EXOC4: variants seen among roughly 807,000 people sequenced by gnomAD.
EXOC4 encodes the protein exocyst complex component 4, also known as SEC8-like 1.
A neutral mutation model predicts 107.2 loss-of-function variants in EXOC4; 71 were observed. The ratio of observed to expected loss-of-function variants is 0.66; its 90% CI spans 0.55 to 0.81. The LOEUF (loss-of-function observed/expected upper bound fraction) is 0.81, where lower values mean the gene tolerates loss of function less well. Ranked by LOEUF, EXOC4 falls within the 30% of genes least tolerant of loss-of-function variation. EXOC4 has a pLI of 0.00. For missense variants in EXOC4, 1,108 were observed against 1,189.6 expected (o/e 0.93, Z 1.01); for synonymous variants, 456 against 441.2 (o/e 1.03, Z -0.42).
At chr7:133,528,399 A>G (rs929276461) in intron 9 of EXOC4, among the ~76,000 whole-genome samples, 1 of 152,192 alleles carries the variant, frequency 6.6e-6, no homozygotes, top group Non-Finnish European at 1.5e-5. Context: ...TAAGTGCGAC[A>G]TCAGTGATTG....
chr7:133,533,824 T>C (rs1227631812), intron 9 of EXOC4, among the ~76,000 whole-genome samples: 1 of 152,156 alleles, frequency 6.6e-6, no homozygotes, highest in Admixed American at 6.6e-5. Context: ...TGTTACCTGC[T>C]TAACAGGAGT....
At chr7:133,771,150 A>T (rs971261678) in intron 10 of EXOC4, among the ~76,000 whole-genome samples, 2 of 152,006 alleles carry the variant, frequency 1.3e-5, no homozygotes, top group East Asian at 3.9e-4. Flanking sequence ...GAATCTGGGG[A>T]GGGTATACAT....
chr7:133,810,001 G>A (rs1797179163), intron 10 of EXOC4, among the ~76,000 whole-genome samples: 1 of 152,140 alleles, frequency 6.6e-6, no homozygotes, highest in Non-Finnish European at 1.5e-5. Flanking sequence ...AAGAGTAACA[G>A]AAAACAATAC....
the EXOC4 span, among the ~76,000 whole-genome samples, chr7:134,074,648 C>T: frequency 2.0e-5 from 3 of 152,296 alleles, no homozygotes; most frequent in Non-Finnish European, 4.4e-5. Context: ...ATCCAGGTCT[C>T]GACTGCCACT....
the EXOC4 span, among the ~76,000 whole-genome samples, chr7:134,080,053 G>A: frequency 3.9e-4 from 59 of 152,244 alleles, no homozygotes; most frequent in Middle Eastern, 6.8e-3. Flanking sequence ...ATAATGTATA[G>A]CTGCAGCCCC....
intron 10 of EXOC4, among the ~76,000 whole-genome samples, chr7:133,701,797 A>G (rs1193735045): frequency 2.6e-5 from 4 of 152,094 alleles, no homozygotes; most frequent in Non-Finnish European, 5.9e-5. Flanking sequence ...TTATTTTCAT[A>G]TACACCATAT....
intron 10 of EXOC4, among the ~76,000 whole-genome samples, chr7:133,743,896 C>T (rs1039414655): frequency 6.6e-6 from 1 of 152,008 alleles, no homozygotes; most frequent in Non-Finnish European, 1.5e-5. Flanking sequence ...GTGTCTGCCT[C>T]CTAGGGGAAG....
At chr7:133,470,821 T>C (rs1289625443) in intron 7 of EXOC4, among the ~76,000 whole-genome samples, 1 of 152,192 alleles carries the variant, frequency 6.6e-6, no homozygotes, top group Non-Finnish European at 1.5e-5. Flanking sequence ...TAAGTAATGC[T>C]CTTTGTTCCA....
intron 9 of EXOC4, among the ~76,000 whole-genome samples, chr7:133,491,506 T>A (rs1056414369): frequency 6.6e-6 from 1 of 152,196 alleles, no homozygotes; most frequent in Non-Finnish European, 1.5e-5. Flanking sequence ...GGCAAGGCAC[T>A]TTACTTTTCT....
At chr7:134,091,968 G>T in the EXOC4 span, among the ~76,000 whole-genome samples, 1 of 152,032 alleles carries the variant, frequency 6.6e-6, no homozygotes, top group Non-Finnish European at 1.5e-5. Flanking sequence ...TTAGACTTGG[G>T]TCCCATCCCC....
chr7:133,633,650 G>A (rs1422555632), intron 10 of EXOC4, among the ~76,000 whole-genome samples: 4 of 152,026 alleles, frequency 2.6e-5, no homozygotes, highest in Admixed American at 6.6e-5. Flanking sequence ...ACCCGGAGGC[G>A]GAGGTTGCAG....
intron 1 of EXOC4, among the ~76,000 whole-genome samples, chr7:133,265,137 A>G (rs190087920): frequency 2.0e-5 from 3 of 152,282 alleles, no homozygotes; most frequent in Non-Finnish European, 4.4e-5. Context: ...AGCAACAGGA[A>G]TATTATGTTC....
At chr7:133,500,096 G>A (rs1164874743) in intron 9 of EXOC4, among the ~76,000 whole-genome samples, 3 of 151,996 alleles carry the variant, frequency 2.0e-5, no homozygotes, top group African/African-American at 7.2e-5. Flanking sequence ...ATTATATAGG[G>A]TTTGCAAAAT....
chr7:134,064,232 C>T (rs1796134380), intron 17 of EXOC4, 59 bp from the exon 18 acceptor site: 1 of 1,196,420 alleles, frequency 8.4e-7, no homozygotes, highest in African/African-American at 1.6e-5. Context: ...GTATTTGTCC[C>T]CTCGAGACGA....
At chr7:133,642,310 A>G (rs1179381371) in intron 10 of EXOC4, among the ~76,000 whole-genome samples, 3 of 152,130 alleles carry the variant, frequency 2.0e-5, no homozygotes, top group Non-Finnish European at 4.4e-5. Context: ...CATTCCACTA[A>G]TGCTAAATTT....
At chr7:133,595,026 T>C (rs1029181565) in intron 9 of EXOC4, among the ~76,000 whole-genome samples, 2 of 151,986 alleles carry the variant, frequency 1.3e-5, no homozygotes, top group African/African-American at 4.8e-5. Flanking sequence ...CAAAGAACCA[T>C]GCAAATATAG....
the EXOC4 span, among the ~76,000 whole-genome samples, chr7:134,090,805 C>T: frequency 6.6e-6 from 1 of 152,036 alleles, no homozygotes; most frequent in South Asian, 2.1e-4. Flanking sequence ...GCAAAGAGTA[C>T]AAGACAGATT....
At chr7:134,059,469 C>T (rs1011824731) in intron 17 of EXOC4, among the ~76,000 whole-genome samples, 2 of 152,100 alleles carry the variant, frequency 1.3e-5, no homozygotes, top group African/African-American at 4.8e-5. Context: ...ACATTAAAAA[C>T]AAATAAGTAG....
chr7:133,259,443 T>G (rs1795092813), intron 1 of EXOC4, among the ~76,000 whole-genome samples: 1 of 152,176 alleles, frequency 6.6e-6, no homozygotes, highest in African/African-American at 2.4e-5. Context: ...GCCAGGCTGG[T>G]CTCAAACTCC....
Sources: gnomAD v4.1 joint callset for allele counts (sites outside exome capture counted in the v4.1 genomes callset) on GRCh38, gnomAD v4.1.1 for gene constraint, MANE v1.5 for transcripts, NCBI Gene and HGNC (gene_info 2026-07-23, HGNC 2026-07-21) for gene names.